The following WNT5B variants were observed in gnomAD, a reference collection of about 807,000 sequenced individuals.
WNT5B encodes the protein Wnt family member 5B, also known as protein Wnt-5b.
WNT5B carries 18 observed loss-of-function variants against 36.5 expected under a neutral mutation model. The observed-to-expected ratio is 0.49, with a 90% CI of 0.34 to 0.73. The LOEUF is 0.73. WNT5B is among the 30% of genes least tolerant of loss of function. The probability of loss-of-function intolerance (pLI) is 0.01; values close to 1 mark genes in which losing one functional copy is unlikely to be tolerated. For missense variants in WNT5B, 424 were observed against 508.4 expected, an observed-to-expected ratio of 0.83 and a Z score of 1.60; for synonymous variants, 213 against 212.3, an observed-to-expected ratio of 1.00 and a Z score of -0.03.
rs760453823 is a variant in WNT5B, at chr12:1,645,947, C to T, written c.775C>T (p.Arg259Cys). The T allele has an allele frequency of 3.5e-5, 56 of 1,610,088 alleles. No homozygotes were observed. In the Admixed American group the frequency reaches 4.3e-4, roughly 12 times the overall value. The change falls in exon 5 of 5, where the codon CGC (arginine) becomes TGC (cysteine). Residue 259 changes from arginine to cysteine, a missense_variant. Transcript: ENST00000397196. ...CAGCGCGGCCGCCATGCGCGTCACC[C>T]GCAAGGGCCGGCTGGAGCTGGTCAA... is the stretch of plus-strand genomic sequence containing the variant. ...YDSAAAMRVT[R>C]KGRLELVNSR...
chr12:1,636,523 A>G (rs1292128317), intron 3 of WNT5B, among the ~76,000 whole-genome samples: 5 of 63,626 alleles, frequency 7.9e-5, no homozygotes, highest in Non-Finnish European at 1.3e-4. Flanking sequence ...ATATATATAT[A>G]TATATATATA....
chr12:1,621,796 C>T (rs540975709), intron 1 of WNT5B, among the ~76,000 whole-genome samples: 29 of 151,846 alleles, frequency 1.9e-4, no homozygotes, highest in African/African-American at 5.3e-4. Flanking sequence ...CCTCCCATCC[C>T]GGCCTCCCAA....
chr12:1,618,541 T>G lies in WNT5B; in HGVS notation c.-58+1398T>G, dbSNP rs186146744. ...GAAAACAAAGTCCATAGCCTTGTTC[T>G]CTTGAAACAATTCCTAAACCACACT... On this transcript the variant is annotated intron_variant, in intron 1 of 4. Coordinates refer to the WNT5B transcript ENST00000310594. The surrounding 1 kb of genome is among the most constrained non-coding windows in gnomAD (Gnocchi z 4.1). 3.3e-5 allele frequency among the ~76,000 whole-genome samples: 5 copies of G among 152,348 alleles called. No individual in the cohort carries two copies. The South Asian group carries it at 1.0e-3, about 32-fold the overall frequency.
chr12:1,639,610 G>GGGGAGAC (rs1470572647), intron 3 of WNT5B, 74 bp from the exon 4 acceptor site: 1 of 1,421,456 alleles, frequency 7.0e-7, no homozygotes, highest in African/African-American at 1.5e-5. Flanking sequence ...GGGTCCGTCG[G>GGGGAGAC]GGGAGACGGG....
chr12:1,641,665 G>T (rs776925569), intron 4 of WNT5B, among the ~76,000 whole-genome samples: 1 of 151,054 alleles, frequency 6.6e-6, no homozygotes, highest in African/African-American at 2.4e-5. Flanking sequence ...TTAGCTGGAC[G>T]TGGTGGCACA....
chr12:1,638,736 TC>T (rs1385614658), intron 3 of WNT5B, among the ~76,000 whole-genome samples: 1 of 152,172 alleles, frequency 6.6e-6, no homozygotes, highest in Non-Finnish European at 1.5e-5. Flanking sequence ...TAGATGTTGT[TC>T]CCAGGGCTCC....
chr12:1,640,581 G>T (rs1348356666), intron 4 of WNT5B, among the ~76,000 whole-genome samples: 3 of 152,226 alleles, frequency 2.0e-5, no homozygotes, highest in Non-Finnish European at 4.4e-5. Flanking sequence ...TAATGTGACT[G>T]TCTTTTAAGC....
In WNT5B at chr12:1,623,215, A is replaced by ATTTTTTTTCC. The variant is rs2094536588; in HGVS notation, c.-58+6072_-58+6073insTTTTTTTTCC. Among the ~76,000 whole-genome samples the ATTTTTTTTCC allele has an allele frequency of 2.9e-5, 2 of 69,782 alleles. 1 individual carries two copies. Among genetic ancestry groups the ATTTTTTTTCC allele is most frequent in the African/African-American group, 1.1e-4 (2 of 17,816 alleles). The allele number at this position is 69,782 out of a possible 152,430, so 45.8% of individuals were successfully genotyped here. A position where few individuals can be genotyped will look rare whatever the true frequency, so the allele number is the denominator to read the frequency against. ...TTTTTTTTTTTTTTTTTTTTTTTTG[A>ATTTTTTTTCC]GACGGAGTCTCGCTCTTTAGCCCAG... On this transcript the variant is annotated intron_variant, in intron 1 of 4. Coordinates refer to the WNT5B transcript ENST00000310594.
chr12:1,627,751 C>T (rs145833521), upstream of WNT5B, among the ~76,000 whole-genome samples: 1 of 152,236 alleles, frequency 6.6e-6, no homozygotes, highest in East Asian at 1.9e-4. The surrounding 1 kb of genome is among the most constrained non-coding windows in gnomAD (Gnocchi z 5.0). Context: ...TACATCCCCT[C>T]CCACCATCCT....
At position 1,645,590 on chromosome 12, in the gene WNT5B, A is replaced by G. The variant is rs1459907215; in HGVS notation, c.622-204A>G. On this transcript the variant is annotated intron_variant, in intron 4 of 4. Coordinates refer to ENST00000397196, the MANE Select transcript of WNT5B (RefSeq NM_032642.3). ...TGGGGACAAGTTGCCTTGCCGCCCC[A>G]GGGTTCTTTTCTGTGGTGCCTCTTT... Among the ~76,000 whole-genome samples the G allele has an allele frequency of 3.3e-5, 5 of 152,322 alleles. No individual in the cohort carries two copies. In the South Asian group the frequency reaches 6.2e-4, roughly 19 times the overall value.
Position 1,632,608 on chromosome 12 carries a change from G to A in WNT5B, c.81-50G>A, listed in dbSNP as rs200846664. ...GAATGACTTAATGCTGCACACAGGCGTATGCTCACTCCTGGGCCTTTTTTT... is the reference window on the plus strand; with the variant it reads ...GAATGACTTAATGCTGCACACAGGCATATGCTCACTCCTGGGCCTTTTTTT... On this transcript the variant is annotated intron_variant, in intron 2 of 4. Coordinates refer to ENST00000397196, the MANE Select transcript of WNT5B (RefSeq NM_032642.3). The surrounding 1 kb of genome is among the most constrained non-coding windows in gnomAD (Gnocchi z 5.8). 28 of 1,560,418 alleles carry A rather than the reference G, an allele frequency of 1.8e-5. No homozygotes were observed. The highest frequency in any genetic ancestry group is 1.7e-4 in the Middle Eastern group (1 of 5,796).
chr12:1,635,801 G>A (rs568921109), intron 3 of WNT5B, among the ~76,000 whole-genome samples: 125 of 152,216 alleles, frequency 8.2e-4, no homozygotes, highest in Non-Finnish European at 1.5e-3. Flanking sequence ...CGTAGACCGG[G>A]TCCTGTCGGC....
chr12:1,622,107 C>CTTTT (rs35497935), intron 1 of WNT5B, among the ~76,000 whole-genome samples: 10 of 99,056 alleles, frequency 1.0e-4, no homozygotes, highest in Non-Finnish European at 1.4e-4. Context: ...TCTGACACTT[C>CTTTT]TTTTTTTTTT....
chr12:1,641,840 C>T (rs906735072), intron 4 of WNT5B, among the ~76,000 whole-genome samples: 3 of 152,088 alleles, frequency 2.0e-5, no homozygotes, highest in African/African-American at 7.2e-5. Flanking sequence ...AATGTGAACT[C>T]ATATATTGGA....
intron 1 of WNT5B, chr12:1,629,978 C>T (rs2094547211): frequency 4.0e-6 from 1 of 252,888 alleles, no homozygotes; most frequent in Non-Finnish European, 6.3e-6. Flanking sequence ...GCCCCACACA[C>T]CTGCCTGTTG....
In WNT5B at chr12:1,646,568, TGGA is replaced by T. The variant is rs2094586060; in HGVS notation, c.*321_*323del. ...CTGGAGGAGGGAGGTTGTGGTTGGA[TGGA>T]GGAGATGATCTTGTCTGGAAGTCTA... On this transcript the variant is annotated 3_prime_UTR_variant, in exon 5 of 5. Coordinates refer to ENST00000397196, the MANE Select transcript of WNT5B (RefSeq NM_032642.3). The T allele has an allele frequency of 5.9e-6, 1 of 168,718 alleles. No individual in the cohort carries two copies. The highest frequency in any genetic ancestry group is 1.6e-4 in the South Asian group (1 of 6,304). 10.5% of individuals were successfully genotyped at this position (168,718 alleles called of 1,614,324 possible).
At chr12:1,626,971 C>T (rs372892380), upstream of WNT5B, among the ~76,000 whole-genome samples, 50 of 152,346 alleles carry the variant, frequency 3.3e-4, 1 homozygote, top group South Asian at 0.01. Flanking sequence ...GCAACTCCCA[C>T]ATACCCCTGT....
At chr12:1,624,940 G>A (rs906036597), upstream of WNT5B, among the ~76,000 whole-genome samples, 5 of 152,082 alleles carry the variant, frequency 3.3e-5, no homozygotes, top group South Asian at 1.0e-3. Flanking sequence ...CTCATGGGGT[G>A]GGGTTAATCA....
chr12:1,630,566 C>G lies in WNT5B; in HGVS notation c.-57-732C>G, dbSNP rs1355823239. 6.6e-6 allele frequency among the ~76,000 whole-genome samples: 1 copy of G among 152,186 alleles called. No homozygotes were observed. Among genetic ancestry groups the G allele is most frequent in the Non-Finnish European group, 1.5e-5 (1 of 68,022 alleles). Reference sequence around the variant, plus strand: ...CCCGGTGCAGCTGCTGGGCAAGGTACTCGGTGCCGCCCTCGAGGACCACGG... The same window carrying G: ...CCCGGTGCAGCTGCTGGGCAAGGTAGTCGGTGCCGCCCTCGAGGACCACGG... On this transcript the variant is annotated intron_variant, in intron 1 of 4. Transcript: ENST00000397196. This position sits in a 1 kb window ranked among gnomAD's most constrained non-coding sequence, Gnocchi z 5.3.
Sources: gnomAD v4.1 joint callset for allele counts (sites outside exome capture counted in the v4.1 genomes callset) on GRCh38, gnomAD v4.1.1 for gene constraint, Gnocchi (gnomAD v3.1) non-coding constraint, MANE v1.5 for transcripts, NCBI Gene and HGNC (gene_info 2026-07-23, HGNC 2026-07-21) for gene names.